The following RERGL variants were observed in gnomAD, a reference collection of about 807,000 sequenced individuals.
RERGL encodes the protein ras-related and estrogen-regulated growth inhibitor-like protein.
A neutral mutation model predicts 24.7 loss-of-function variants in RERGL; 22 were observed. The observed-to-expected ratio is 0.89, with a 90% CI of 0.64 to 1.27. The LOEUF is 1.27. Ranked by LOEUF, RERGL falls within the 50% of genes most tolerant of loss-of-function variation. The pLI is 0.00. For synonymous variants in RERGL, 76 were observed against 82.6 expected, an observed-to-expected ratio of 0.92 and a Z score of 0.43; for missense variants, 259 against 235.3, an observed-to-expected ratio of 1.10 and a Z score of -0.66.
chr12:18,088,611 T>C (rs953097396), intron 2 of RERGL, among the ~76,000 whole-genome samples: 1 of 152,140 alleles, frequency 6.6e-6, no homozygotes, highest in African/African-American at 2.4e-5. Flanking sequence ...AAATATTCAG[T>C]TACATCTTCT....
intron 4 of RERGL, 68 bp from the exon 5 acceptor site, chr12:18,081,541 AAAC>A (rs1445259643): frequency 6.8e-6 from 9 of 1,326,934 alleles, no homozygotes; most frequent in Non-Finnish European, 9.1e-6. Context: ...AAAAAAAAAA[AAAC>A]AGATTTATAA....
At chr12:18,087,437 A>G (rs1947231089) in intron 2 of RERGL, among the ~76,000 whole-genome samples, 1 of 152,174 alleles carries the variant, frequency 6.6e-6, no homozygotes, top group Non-Finnish European at 1.5e-5. Flanking sequence ...CTTCTAGCCA[A>G]TTAAAACTAT....
At position 18,081,085 on chromosome 12, in the gene RERGL, G is replaced by A; in HGVS notation, c.*106C>T. 1 of 1,000,008 alleles carries A rather than the reference G, an allele frequency of 1.0e-6. No individual in the cohort carries two copies. The highest frequency in any genetic ancestry group is 1.7e-5 in the South Asian group (1 of 57,202). 61.9% of individuals were successfully genotyped at this position (1,000,008 alleles called of 1,614,324 possible). ...ATACTCAATCATTTCATATCTCCAA[G>A]AGAATTCTTTTTACCAAAAAAAAAT... On this transcript the variant is annotated 3_prime_UTR_variant, in exon 5 of 5. Transcript: ENST00000538724.
intron 4 of RERGL, 75 bp from the exon 5 acceptor site, chr12:18,081,548 T>C: frequency 1.8e-6 from 2 of 1,125,436 alleles, no homozygotes; most frequent in Non-Finnish European, 2.5e-6. Flanking sequence ...AAAAAACAGA[T>C]TTATAACCAA....
At chr12:18,085,498 CTT>C (rs1947210520) in intron 3 of RERGL, 120 bp downstream of exon 3, 1 of 641,604 alleles carries the variant, frequency 1.6e-6, no homozygotes, top group East Asian at 3.1e-5. Context: ...TGAGAAGAAA[CTT>C]CGGTTTTAAC....
chr12:18,081,769 T>C (rs1429007920), intron 4 of RERGL, among the ~76,000 whole-genome samples: 1 of 152,138 alleles, frequency 6.6e-6, no homozygotes, highest in Non-Finnish European at 1.5e-5. Context: ...AGTATGATTG[T>C]TACCTTTTCC....
chr12:18,089,056 A>C, intron 1 of RERGL, 100 bp from the exon 2 acceptor site: 1 of 1,179,776 alleles, frequency 8.5e-7, no homozygotes, highest in Admixed American at 2.1e-5. Flanking sequence ...AAAATATTCA[A>C]GAATTAATAA....
chr12:18,089,936 G>C (rs918963477), intron 1 of RERGL, among the ~76,000 whole-genome samples, 153 bp downstream of exon 1: 3 of 151,868 alleles, frequency 2.0e-5, no homozygotes, highest in Non-Finnish European at 4.4e-5. Context: ...CCTAATGAAA[G>C]ATAATGTGCC....
At chr12:18,081,926 G>T (rs1256510307) in intron 4 of RERGL, among the ~76,000 whole-genome samples, 1 of 152,168 alleles carries the variant, frequency 6.6e-6, no homozygotes, top group East Asian at 1.9e-4. Context: ...AGATCATGAG[G>T]TCAGGAGATC....
In RERGL at chr12:18,081,227, G is replaced by C. The variant is rs751389138; in HGVS notation, c.579C>G (p.Ile193Met). The part of the protein sequence containing the change: ...PSGSKSMAKL[I>M]NNVFGKRRKS... ...TCCTTCTCTTTCCAAATACATTATT[G>C]ATCAATTTGGCCATTGATTTAGATC... The change falls in exon 5 of 5, where the codon ATC becomes ATG. Residue 193 changes from isoleucine to methionine, a missense_variant. Coordinates refer to ENST00000538724, the MANE Select transcript of RERGL (RefSeq NM_001286201.2). 6.2e-7 allele frequency: 1 copy of C among 1,608,002 alleles called. No homozygotes were observed. Among genetic ancestry groups the C allele is most frequent in the Admixed American group, 1.7e-5 (1 of 59,974 alleles).
chr12:18,089,404 G>C, intron 1 of RERGL: 3 of 1,345,238 alleles, frequency 2.2e-6, no homozygotes, highest in Middle Eastern at 2.7e-4. Flanking sequence ...CCAGGAAATA[G>C]AAAAAGAACC....
chr12:18,081,973 T>G (rs1254922035), intron 4 of RERGL, among the ~76,000 whole-genome samples: 2 of 152,024 alleles, frequency 1.3e-5, no homozygotes, highest in African/African-American at 4.8e-5. Flanking sequence ...ACTTCATCTC[T>G]ACTAAAAGTA....
At chr12:18,084,396 G>C in intron 4 of RERGL, 121 bp downstream of exon 4, 1 of 807,916 alleles carries the variant, frequency 1.2e-6, no homozygotes, top group Non-Finnish European at 1.8e-6. Flanking sequence ...ATAGGAAGGT[G>C]AATTGTTCAG....
At chr12:18,085,579 CAATA>C (rs774777252) in intron 3 of RERGL, 37 bp downstream of exon 3, 2 of 1,272,834 alleles carry the variant, frequency 1.6e-6, no homozygotes, top group South Asian at 1.3e-5. Context: ...AAAAATCAAT[CAATA>C]AATAAATCAA....
intron 2 of RERGL, among the ~76,000 whole-genome samples, chr12:18,087,521 T>G (rs1947231669): frequency 6.6e-6 from 1 of 152,174 alleles, no homozygotes; most frequent in Non-Finnish European, 1.5e-5. Context: ...TATTTCCCCT[T>G]CTAGTTTTAA....
chr12:18,089,215 A>G (rs770490846), intron 1 of RERGL: 5 of 1,603,470 alleles, frequency 3.1e-6, no homozygotes, highest in Admixed American at 1.7e-5. Flanking sequence ...CCACAAAAAC[A>G]TAAGGCCACT....
Position 18,081,071 on chromosome 12 carries a change from T to G in RERGL, c.*120A>C. The G allele has an allele frequency of 1.1e-6, 1 of 924,542 alleles. No individual in the cohort carries two copies. Among genetic ancestry groups the G allele is most frequent in the Non-Finnish European group, 1.6e-6 (1 of 633,008 alleles). The allele number at this position is 924,542 out of a possible 1,614,324, so 57.3% of individuals were successfully genotyped here. On this transcript the variant is annotated 3_prime_UTR_variant, in exon 5 of 5. Coordinates refer to ENST00000538724, the MANE Select transcript of RERGL (RefSeq NM_001286201.2). ...CACAGCTGTGGTTCATACTCAATCA[T>G]TTCATATCTCCAAGAGAATTCTTTT...
Position 18,080,980 on chromosome 12 carries a change from A to C in RERGL, c.*211T>G. ...GAGTGTGATGTTGTACAATAAATGA[A>C]AGGTTCTGTGTGAAGGAGAGTGAGC... On this transcript the variant is annotated 3_prime_UTR_variant, in exon 5 of 5. Coordinates refer to ENST00000538724, the MANE Select transcript of RERGL (RefSeq NM_001286201.2). The C allele has an allele frequency of 2.3e-6, 1 of 428,192 alleles. No homozygotes were observed. Among genetic ancestry groups the C allele is most frequent in the Non-Finnish European group, 4.2e-6 (1 of 239,730 alleles). The allele number at this position is 428,192 out of a possible 1,614,324, so 26.5% of individuals were successfully genotyped here.
At chr12:18,089,135 G>T (rs527571290) in intron 1 of RERGL, 179 bp from the exon 2 acceptor site, 4 of 1,211,996 alleles carry the variant, frequency 3.3e-6, no homozygotes, top group East Asian at 4.8e-5. Context: ...ACAAACAAAT[G>T]ATTAGAAAGT....
Sources: allele counts gnomAD v4.1 joint callset (sites outside exome capture counted in the v4.1 genomes callset), GRCh38; gene constraint gnomAD v4.1.1; transcripts MANE v1.5; gene names NCBI Gene and HGNC (gene_info 2026-07-23, HGNC 2026-07-21).